The following TMEM269 variants were observed in gnomAD, a reference collection of about 807,000 sequenced individuals.
TMEM269 encodes transmembrane protein 269.
TMEM269 carries 12 observed loss-of-function variants against 15.8 expected under a neutral mutation model. That is an observed-to-expected ratio of 0.76 (90% confidence interval 0.49 to 1.23). The LOEUF (loss-of-function observed/expected upper bound fraction) is 1.23. Among genes scored for constraint, TMEM269 ranks in the 50% most tolerant of loss-of-function variants. The pLI is 0.00. For synonymous variants in TMEM269, 93 were observed against 99.3 expected, an observed-to-expected ratio of 0.94 and a Z score of 0.38; for missense variants, 211 against 245.4, an observed-to-expected ratio of 0.86 and a Z score of 0.94.
intron 5 of TMEM269, among the ~76,000 whole-genome samples, chr1:42,796,228 A>G (rs954562447): frequency 6.6e-6 from 1 of 152,164 alleles, no homozygotes; most frequent in Non-Finnish European, 1.5e-5. Flanking sequence ...TAACAGTAGT[A>G]TTGCTTAGTG....
At chr1:42,789,686 T>G in intron 1 of TMEM269, 110 bp from the exon 2 acceptor site, 1 of 815,864 alleles carries the variant, frequency 1.2e-6, no homozygotes, top group Non-Finnish European at 2.0e-6. Context: ...TGAAACAGAA[T>G]GTAGGGAGGG....
In TMEM269 at chr1:42,797,888, C is replaced by T; in HGVS notation, c.485-210C>T. ...TGATGTGAATTTGACACAGTGGAACCTGAGACTGCATTGGGCTATACTTCT... is the reference window on the plus strand; with the variant it reads ...TGATGTGAATTTGACACAGTGGAACTTGAGACTGCATTGGGCTATACTTCT... On this transcript the variant is annotated intron_variant, in intron 5 of 5. Transcript: ENST00000637012. This position sits in a 1 kb window ranked among gnomAD's most constrained non-coding sequence, Gnocchi z 4.9. 1.5e-6 allele frequency: 1 copy of T among 683,804 alleles called. No individual in the cohort carries two copies. The highest frequency in any genetic ancestry group is 1.5e-5 in the South Asian group (1 of 66,462). The allele number at this position is 683,804 out of a possible 1,614,324, so 42.4% of individuals were successfully genotyped here.
In TMEM269 at chr1:42,798,756, T is replaced by C. The variant is rs968304016; in HGVS notation, c.*531T>C. 2.1e-5 allele frequency: 3 copies of C among 145,130 alleles called. No individual in the cohort carries two copies. The highest frequency in any genetic ancestry group is 6.9e-5 in the Admixed American group (1 of 14,436). 9.0% of individuals were successfully genotyped at this position (145,130 alleles called of 1,614,324 possible). Reference sequence around the variant, plus strand: ...GGTTTTTTTTTTTTTTTTTTTTTTTTTTTTGAGAAGGAGTCTCGCTCTTTC... The same window carrying C: ...GGTTTTTTTTTTTTTTTTTTTTTTTCTTTTGAGAAGGAGTCTCGCTCTTTC... On this transcript the variant is annotated 3_prime_UTR_variant, in exon 6 of 6. Transcript: ENST00000637012.
intron 1 of TMEM269, among the ~76,000 whole-genome samples, chr1:42,789,084 G>A (rs1466498226): frequency 6.6e-6 from 1 of 151,898 alleles, no homozygotes; most frequent in East Asian, 1.9e-4. Context: ...CGCCACACCC[G>A]GCTAATTTTT....
At position 42,788,417 on chromosome 1, in the gene TMEM269, A is replaced by T. The variant is rs1388484891; in HGVS notation, c.-98-1379A>T. Among the ~76,000 whole-genome samples, 2 of 152,006 alleles carry T rather than the reference A, an allele frequency of 1.3e-5. No homozygotes were observed. The highest frequency in any genetic ancestry group is 4.8e-5 in the African/African-American group (2 of 41,368). On this transcript the variant is annotated intron_variant, in intron 1 of 5. Transcript: ENST00000637012. This position sits in a 1 kb window ranked among gnomAD's most constrained non-coding sequence, Gnocchi z 4.0. Reference sequence around the variant, plus strand: ...CCAGCGGGGCTTCTCAGTTTTGGGGAGGAATGGGGCTCTTTCTCCAAGAGA... The same window carrying T: ...CCAGCGGGGCTTCTCAGTTTTGGGGTGGAATGGGGCTCTTTCTCCAAGAGA...
intron 3 of TMEM269, 62 bp from the exon 4 acceptor site, chr1:42,793,539 T>C: frequency 6.8e-7 from 1 of 1,469,464 alleles, no homozygotes; most frequent in Non-Finnish European, 9.1e-7. Flanking sequence ...CCCTACTAGA[T>C]GGGGGCTAAG....
chr1:42,789,776 C>G lies in TMEM269; in HGVS notation c.-98-20C>G. 1.5e-6 allele frequency: 2 copies of G among 1,363,890 alleles called. No homozygotes were observed. The highest frequency in any genetic ancestry group is 2.0e-6 in the Non-Finnish European group (2 of 976,612). The allele number at this position is 1,363,890 out of a possible 1,614,324, so 84.5% of individuals were successfully genotyped here. ...CTCCTTAACCTTGGGAACCCTTCGCCCCTCTCTCTTGGGCCCCAGGTAAGG... is the reference window on the plus strand; with the variant it reads ...CTCCTTAACCTTGGGAACCCTTCGCGCCTCTCTCTTGGGCCCCAGGTAAGG... On this transcript the variant is annotated intron_variant, in intron 1 of 5. Coordinates refer to ENST00000637012, the MANE Select transcript of TMEM269 (RefSeq NM_001354602.2).
intron 2 of TMEM269, among the ~76,000 whole-genome samples, chr1:42,792,081 A>G (rs921755520): frequency 6.6e-6 from 1 of 152,206 alleles, no homozygotes; most frequent in African/African-American, 2.4e-5. Context: ...TGAAACCAAA[A>G]GCTGATTCTT....
At chr1:42,795,945 G>C (rs907328004) in intron 5 of TMEM269, among the ~76,000 whole-genome samples, 1 of 152,150 alleles carries the variant, frequency 6.6e-6, no homozygotes, top group African/African-American at 2.4e-5. Flanking sequence ...TATGCCTTAG[G>C]TGGCAGAGGC....
chr1:42,798,327 A>C lies in TMEM269; in HGVS notation c.*102A>C, dbSNP rs1056289376. On this transcript the variant is annotated 3_prime_UTR_variant, in exon 6 of 6. Transcript: ENST00000637012. The stretch of plus-strand genomic sequence containing the variant: ...AAGCTTTGTATGTACCTGTGTTGCC[A>C]TATACTAGATATATGGTATGTCTGT... The C allele has an allele frequency of 7.2e-7, 1 of 1,396,866 alleles. No homozygotes were observed. The highest frequency in any genetic ancestry group is 1.4e-5 in the African/African-American group (1 of 69,502). 86.5% of individuals were successfully genotyped at this position (1,396,866 alleles called of 1,614,324 possible).
Position 42,793,684 on chromosome 1 carries a change from G to A in TMEM269, c.223G>A (p.Gly75Arg). ...LLLGVDGLLS[G>R]ILAIIYVSAA... ...CCTAGGCGTGGATGGACTTCTGAGT[G>A]GGATCCTGGCCATCATCTATGTGTC... Residue 75 changes from glycine to arginine, a missense_variant, in exon 4 of 6, where the codon GGG (glycine) becomes AGG (arginine). By Grantham distance (125) the Gly-to-Arg change is moderately radical (BLOSUM62 -2). Coordinates refer to ENST00000637012, the MANE Select transcript of TMEM269 (RefSeq NM_001354602.2). 1 of 1,550,602 alleles carries A rather than the reference G, an allele frequency of 6.4e-7. No individual in the cohort carries two copies. Among genetic ancestry groups the A allele is most frequent in the African/African-American group, 1.4e-5 (1 of 73,176 alleles).
At position 42,799,486 on chromosome 1, in the gene TMEM269, A is replaced by G. The variant is rs769422925; in HGVS notation, c.*1261A>G. On this transcript the variant is annotated 3_prime_UTR_variant, in exon 6 of 6. Transcript: ENST00000637012. ...AAATAAAAACCCAAAGTAAGATTTGACTGTAACAGAATAGACGGTGCCTTC... is the reference window on the plus strand; with the variant it reads ...AAATAAAAACCCAAAGTAAGATTTGGCTGTAACAGAATAGACGGTGCCTTC... The G allele has an allele frequency of 6.6e-6, 1 of 152,206 alleles. No homozygotes were observed. The highest frequency in any genetic ancestry group is 2.4e-5 in the African/African-American group (1 of 41,450). The allele number at this position is 152,206 out of a possible 1,614,324, so 9.4% of individuals were successfully genotyped here.
At chr1:42,785,947 T>C (rs975062611) in intron 1 of TMEM269, among the ~76,000 whole-genome samples, 2 of 152,198 alleles carry the variant, frequency 1.3e-5, no homozygotes, top group African/African-American at 2.4e-5. Flanking sequence ...TCTGAGCTGC[T>C]GGAGTGTGCG....
At chr1:42,796,524 C>A (rs954727995) in intron 5 of TMEM269, 3 of 147,026 alleles carry the variant, frequency 2.0e-5, no homozygotes, top group Non-Finnish European at 4.5e-5. Flanking sequence ...CACTCTGAAA[C>A]CTTATATGAA....
chr1:42,789,319 G>C (rs1361122172), intron 1 of TMEM269: 2 of 863,632 alleles, frequency 2.3e-6, no homozygotes, highest in Admixed American at 4.3e-5. Context: ...AGGCACCTCA[G>C]CTGCAGCCCT....
rs546059863 is a variant in TMEM269, at chr1:42,797,223, T to A, written c.485-875T>A. Among the ~76,000 whole-genome samples, 5 of 152,284 alleles carry A rather than the reference T, an allele frequency of 3.3e-5. No homozygotes were observed. The South Asian group carries it at 1.0e-3, about 32-fold the overall frequency. ...CCTGAGAAGACTCACAGGACTCAGC[T>A]TGTTGTACTCATGGCTAAGATTGAT... On this transcript the variant is annotated intron_variant, in intron 5 of 5. Coordinates refer to ENST00000637012, the MANE Select transcript of TMEM269 (RefSeq NM_001354602.2). This position sits in a 1 kb window ranked among gnomAD's most constrained non-coding sequence, Gnocchi z 4.9.
chr1:42,795,053 C>T (rs1460868598), intron 5 of TMEM269, among the ~76,000 whole-genome samples: 1 of 152,116 alleles, frequency 6.6e-6, no homozygotes, highest in Admixed American at 6.5e-5. Flanking sequence ...TGTAGGTTTA[C>T]TGTATGTATT....
chr1:42,796,461 G>A (rs1351219840), intron 5 of TMEM269: 1 of 152,134 alleles, frequency 6.6e-6, no homozygotes, highest in Admixed American at 6.5e-5. Context: ...CTTAGACTGA[G>A]GTCCCTTCTA....
rs1653584907 is a variant in TMEM269, at chr1:42,788,492, A to G, written c.-98-1304A>G. Among the ~76,000 whole-genome samples the G allele has an allele frequency of 6.6e-6, 1 of 152,126 alleles. No homozygotes were observed. Among genetic ancestry groups the G allele is most frequent in the Non-Finnish European group, 1.5e-5 (1 of 68,032 alleles). Reference sequence around the variant, plus strand: ...GTAAGGTGTACAAATGTGGTCTTAGAGTAAAAACAGAGACAAGACAGACTG... The same window carrying G: ...GTAAGGTGTACAAATGTGGTCTTAGGGTAAAAACAGAGACAAGACAGACTG... On this transcript the variant is annotated intron_variant, in intron 1 of 5. Transcript: ENST00000637012. The surrounding 1 kb of genome is among the most constrained non-coding windows in gnomAD (Gnocchi z 4.0).
Sources: allele counts gnomAD v4.1 joint callset (sites outside exome capture counted in the v4.1 genomes callset), GRCh38; gene constraint gnomAD v4.1.1; non-coding constraint Gnocchi (gnomAD v3.1); transcripts MANE v1.5; gene names NCBI Gene and HGNC (gene_info 2026-07-23, HGNC 2026-07-21).